CDK14: variants seen among roughly 807,000 people sequenced by gnomAD.
The protein encoded by CDK14 is cyclin-dependent kinase 14.
Under a neutral mutation model 60.7 loss-of-function variants are expected in CDK14, and 34 were observed. The observed-to-expected ratio is 0.56, with a 90% CI of 0.43 to 0.75. The LOEUF (loss-of-function observed/expected upper bound fraction) is 0.75, where lower values mean the gene tolerates loss of function less well. Among genes scored for constraint, CDK14 ranks in the 30% least tolerant of loss-of-function variants. CDK14 has a pLI of 0.00. For missense variants in CDK14, 482 were observed against 564.1 expected (o/e 0.85, Z 1.47); for synonymous variants, 197 against 203.7 (o/e 0.97, Z 0.28).
chr7:90,844,010 T>C (rs1790383141), intron 5 of CDK14, among the ~76,000 whole-genome samples: 1 of 152,180 alleles, frequency 6.6e-6, no homozygotes, highest in South Asian at 2.1e-4. Flanking sequence ...ATGACTTTGG[T>C]TTTGTAATTT....
chr7:90,973,143 C>T (rs1794975527), intron 9 of CDK14, among the ~76,000 whole-genome samples: 1 of 152,146 alleles, frequency 6.6e-6, no homozygotes, highest in Admixed American at 6.5e-5. Flanking sequence ...CTTGACACTC[C>T]CTTTTTTAAC....
At chr7:90,804,800 T>C (rs1265927363) in intron 5 of CDK14, among the ~76,000 whole-genome samples, 2 of 152,146 alleles carry the variant, frequency 1.3e-5, no homozygotes, top group Admixed American at 1.3e-4. Context: ...CAACTAGAAA[T>C]ATAAATTGAG....
intron 6 of CDK14, among the ~76,000 whole-genome samples, chr7:90,879,054 G>A (rs1279252523): frequency 6.6e-6 from 1 of 152,210 alleles, no homozygotes; most frequent in Non-Finnish European, 1.5e-5. Context: ...GGCATGGCCA[G>A]GTGACTTGCT....
chr7:91,024,147 G>T (rs954097169), intron 10 of CDK14, among the ~76,000 whole-genome samples: 1 of 150,798 alleles, frequency 6.6e-6, no homozygotes, highest in Non-Finnish European at 1.5e-5. Context: ...TGATGATGAT[G>T]ATGATAATGA....
chr7:90,694,309 A>T (rs1009567099), intron 2 of CDK14, among the ~76,000 whole-genome samples: 3 of 152,214 alleles, frequency 2.0e-5, no homozygotes, highest in African/African-American at 7.2e-5. Context: ...ATAGAAGGCA[A>T]ATAAGGATTT....
chr7:90,616,861 T>TATC (rs1269297753), intron 2 of CDK14, among the ~76,000 whole-genome samples: 2 of 152,088 alleles, frequency 1.3e-5, no homozygotes, highest in Non-Finnish European at 2.9e-5. Flanking sequence ...TACCTTATTA[T>TATC]ATCATCATCA....
chr7:90,610,239 T>C (rs1012816987), intron 2 of CDK14, among the ~76,000 whole-genome samples: 1 of 152,208 alleles, frequency 6.6e-6, no homozygotes, highest in Non-Finnish European at 1.5e-5. Context: ...ACTTCATTTG[T>C]AATGTACGCT....
At chr7:91,165,185 A>G (rs1314619652) in intron 14 of CDK14, among the ~76,000 whole-genome samples, 1 of 152,234 alleles carries the variant, frequency 6.6e-6, no homozygotes, top group Non-Finnish European at 1.5e-5. Flanking sequence ...GTAGTAACTA[A>G]CATTCAGTTT....
At chr7:90,942,250 G>C (rs1207133765) in intron 8 of CDK14, among the ~76,000 whole-genome samples, 1 of 151,976 alleles carries the variant, frequency 6.6e-6, no homozygotes, top group East Asian at 1.9e-4. Flanking sequence ...CAACCCCAAG[G>C]CTTGGGAAGG....
chr7:91,093,009 G>C (rs1798874727), intron 12 of CDK14, among the ~76,000 whole-genome samples: 1 of 152,146 alleles, frequency 6.6e-6, no homozygotes, highest in Admixed American at 6.6e-5. Context: ...GACTTGAACT[G>C]CAGAACAAAA....
chr7:90,695,144 T>C (rs931456184), intron 2 of CDK14, among the ~76,000 whole-genome samples: 1 of 152,198 alleles, frequency 6.6e-6, no homozygotes, highest in African/African-American at 2.4e-5. Context: ...CTACACTTCA[T>C]CTTTCACCTG....
rs1563030080 is a variant in CDK14, at chr7:90,649,371, TTCCTTCCTTCCTTCCTTCCTTCC to T, written c.123+45124_123+45146del. ...TTCCTTCCTTCCTTCCTTCCTTTCC[TTCCTTCCTTCCTTCCTTCCTTCC>T]TTCTTTCTTTCTTTCTTTCTTTCTT... On this transcript the variant is annotated intron_variant, in intron 2 of 14. Transcript: ENST00000380050. Among the ~76,000 whole-genome samples, 25 of 41,206 alleles carry T rather than the reference TTCCTTCCTTCCTTCCTTCCTTCC, an allele frequency of 6.1e-4. 1 individual carries two copies. The highest frequency in any genetic ancestry group is 2.5e-3 in the South Asian group (3 of 1,196). The allele number at this position is 41,206 out of a possible 152,430, so 27.0% of individuals were successfully genotyped here.
chr7:90,904,605 T>C (rs1361930350), intron 7 of CDK14, among the ~76,000 whole-genome samples: 1 of 151,866 alleles, frequency 6.6e-6, no homozygotes, highest in Non-Finnish European at 1.5e-5. Flanking sequence ...TATCAAAAAA[T>C]CAGAGGTCTA....
rs1408956904 is a variant in CDK14, at chr7:90,711,882, A to ACGTTTT, written c.124-14685_124-14684insCGTTTT. On this transcript the variant is annotated intron_variant, in intron 2 of 14. Coordinates refer to ENST00000380050, the MANE Select transcript of CDK14 (RefSeq NM_001287135.2). ...GTTCTTATGGAACTTATAGTCTACT[A>ACGTTTT]TGTTTTTTTTTTTTTTTTTCAATTG... 8.1e-5 allele frequency among the ~76,000 whole-genome samples: 9 copies of ACGTTTT among 110,820 alleles called. 2 individuals carry two copies. Among genetic ancestry groups the ACGTTTT allele is most frequent in the Non-Finnish European group, 7.3e-5 (4 of 54,884 alleles). 72.7% of individuals were successfully genotyped at this position (110,820 alleles called of 152,430 possible).
intron 4 of CDK14, among the ~76,000 whole-genome samples, chr7:90,782,262 G>T (rs775214490): frequency 5.9e-5 from 9 of 152,098 alleles, no homozygotes; most frequent in Non-Finnish European, 1.2e-4. Flanking sequence ...TTTGCACATT[G>T]ATTTTATACC....
chr7:91,037,918 C>CT (rs1232030140), intron 10 of CDK14, among the ~76,000 whole-genome samples: 1 of 152,172 alleles, frequency 6.6e-6, no homozygotes, highest in Non-Finnish European at 1.5e-5. Flanking sequence ...GATTAAGGTA[C>CT]TTTCACAGGA....
intron 2 of CDK14, among the ~76,000 whole-genome samples, chr7:90,634,170 A>G (rs1430810176): frequency 6.6e-6 from 1 of 151,842 alleles, no homozygotes; most frequent in Non-Finnish European, 1.5e-5. Flanking sequence ...GTTTTAGGGT[A>G]CATGTGCACA....
At chr7:91,016,450 A>G (rs1280182702) in intron 10 of CDK14, among the ~76,000 whole-genome samples, 3 of 152,164 alleles carry the variant, frequency 2.0e-5, no homozygotes, top group Non-Finnish European at 4.4e-5. Flanking sequence ...TGAACTAGAT[A>G]GATACTTAAA....
At position 90,858,525 on chromosome 7, in the gene CDK14, G is replaced by A. The variant is rs190766131; in HGVS notation, c.545-4650G>A. ...ACCTGAGGTATTAACTTGAAAAATG[G>A]AATTTGACAAGATTGCAAATAATGT... On this transcript the variant is annotated intron_variant, in intron 5 of 14. Transcript: ENST00000380050. Among the ~76,000 whole-genome samples, 159 of 152,286 alleles carry A rather than the reference G, an allele frequency of 1.0e-3. 1 individual carries two copies. Among genetic ancestry groups the A allele is most frequent in the Middle Eastern group, 0.01 (3 of 294 alleles).
Sources: allele counts gnomAD v4.1 joint callset (sites outside exome capture counted in the v4.1 genomes callset), GRCh38; gene constraint gnomAD v4.1.1; transcripts MANE v1.5; gene names NCBI Gene and HGNC (gene_info 2026-07-23, HGNC 2026-07-21).